Variants in DPYD observed in about 807,000 individuals in gnomAD.
The protein encoded by DPYD is dihydropyrimidine dehydrogenase, also known as dihydropyrimidine dehydrogenase [NADP(+)].
DPYD carries 109 observed loss-of-function variants against 116.2 expected under a neutral mutation model. The ratio of observed to expected loss-of-function variants is 0.94; its 90% CI spans 0.80 to 1.10. DPYD has a LOEUF of 1.10. DPYD is among the 50% of genes least tolerant of loss of function. The pLI, the probability that DPYD is intolerant of heterozygous loss-of-function variation, is 0.00. For synonymous variants in DPYD, 440 were observed against 432.0 expected, an observed-to-expected ratio of 1.02 and a Z score of -0.23; for missense variants, 1,302 against 1,254.5, an observed-to-expected ratio of 1.04 and a Z score of -0.57.
At chr1:97,917,021 T>C (rs1422293521) in intron 1 of DPYD, among the ~76,000 whole-genome samples, 1 of 152,200 alleles carries the variant, frequency 6.6e-6, no homozygotes, top group Non-Finnish European at 1.5e-5. Flanking sequence ...AGTAAAACTA[T>C]GGCCCACAAA....
At chr1:97,129,085 T>TA (rs993029244) in intron 20 of DPYD, among the ~76,000 whole-genome samples, 6 of 150,968 alleles carry the variant, frequency 4.0e-5, no homozygotes, top group Non-Finnish European at 8.9e-5. Flanking sequence ...TTTTTTTTTT[T>TA]ATGGAGTCTT....
At chr1:97,117,876 T>C (rs994581302) in intron 20 of DPYD, among the ~76,000 whole-genome samples, 1 of 152,142 alleles carries the variant, frequency 6.6e-6, no homozygotes, top group Non-Finnish European at 1.5e-5. Context: ...AAAATTTGCT[T>C]CCAATTCTAT....
At chr1:97,281,496 A>G (rs1665321463) in intron 18 of DPYD, among the ~76,000 whole-genome samples, 1 of 152,038 alleles carries the variant, frequency 6.6e-6, no homozygotes, top group Admixed American at 6.5e-5. Context: ...CTGATAGAAG[A>G]AACTAGAATA....
intron 14 of DPYD, among the ~76,000 whole-genome samples, chr1:97,435,562 G>A (rs1196001430): frequency 6.6e-6 from 1 of 151,708 alleles, no homozygotes; most frequent in African/African-American, 2.4e-5. Flanking sequence ...GATCATATTT[G>A]TGGATCACAG....
intron 11 of DPYD, among the ~76,000 whole-genome samples, chr1:97,557,361 G>T (rs1161764637): frequency 2.2e-5 from 3 of 134,774 alleles, no homozygotes; most frequent in African/African-American, 8.5e-5. Flanking sequence ...AGTCTGGAGT[G>T]CAGTGGCATG....
At chr1:97,613,206 T>C (rs1242893615) in intron 8 of DPYD, among the ~76,000 whole-genome samples, 1 of 152,010 alleles carries the variant, frequency 6.6e-6, no homozygotes, top group East Asian at 1.9e-4. Context: ...CTAAATTTGT[T>C]TAAATCATAT....
chr1:97,705,036 C>G (rs1661842076), intron 5 of DPYD, among the ~76,000 whole-genome samples: 1 of 151,870 alleles, frequency 6.6e-6, no homozygotes, highest in African/African-American at 2.4e-5. Context: ...TATGGAGGTA[C>G]AATTATCAGA....
intron 14 of DPYD, among the ~76,000 whole-genome samples, chr1:97,398,490 T>G (rs1673146191): frequency 6.6e-6 from 1 of 152,096 alleles, no homozygotes; most frequent in Non-Finnish European, 1.5e-5. Context: ...TCAAATGGTA[T>G]TTCTAGTTCT....
At chr1:97,630,851 G>A (rs1657216855) in intron 8 of DPYD, among the ~76,000 whole-genome samples, 1 of 152,078 alleles carries the variant, frequency 6.6e-6, no homozygotes, top group African/African-American at 2.4e-5. Flanking sequence ...AGGGAGCAAA[G>A]TAAAGAATTA....
chr1:97,601,230 T>C (rs1655227607), intron 8 of DPYD, among the ~76,000 whole-genome samples: 1 of 151,916 alleles, frequency 6.6e-6, no homozygotes, highest in Admixed American at 6.6e-5. Flanking sequence ...CTTTGGAAAA[T>C]TAGGTAGAAA....
chr1:97,431,304 T>C (rs1417196099), intron 14 of DPYD, among the ~76,000 whole-genome samples: 2 of 152,060 alleles, frequency 1.3e-5, no homozygotes, highest in African/African-American at 2.4e-5. Context: ...CAGAAATGAA[T>C]ATTATTGAGG....
intron 20 of DPYD, among the ~76,000 whole-genome samples, chr1:97,114,232 G>A (rs187892034): frequency 7.2e-5 from 11 of 152,068 alleles, no homozygotes; most frequent in African/African-American, 1.7e-4. Flanking sequence ...TTCTTGAGTC[G>A]GGTTAAGTCC....
chr1:97,227,840 AAAAT>A (rs1262597720), intron 19 of DPYD, among the ~76,000 whole-genome samples: 3 of 152,048 alleles, frequency 2.0e-5, no homozygotes, highest in Non-Finnish European at 4.4e-5. Flanking sequence ...TATACATATG[AAAAT>A]AAATAAATAA....
rs1278651994 is a variant in DPYD at position 97,317,902 on chromosome 1, G to T, written c.2059-11605C>A. On this transcript the variant is annotated intron_variant, in intron 16 of 22. Coordinates refer to ENST00000370192, the MANE Select transcript of DPYD (RefSeq NM_000110.4). The stretch of plus-strand genomic sequence containing the variant: ...GGCAATGAATGGTTCCGACTAAGGA[G>T]AACTCATCCATAACAAGTTGGTATA... 2.0e-5 allele frequency among the ~76,000 whole-genome samples: 3 copies of T among 152,026 alleles called. No individual in the cohort carries two copies. The East Asian group carries it at 5.8e-4, about 30-fold the overall frequency.
At chr1:97,193,443 C>T (rs1658529183) in intron 19 of DPYD, among the ~76,000 whole-genome samples, 195 bp from the exon 20 acceptor site, 1 of 152,066 alleles carries the variant, frequency 6.6e-6, no homozygotes, top group Non-Finnish European at 1.5e-5. Flanking sequence ...TTTCCAGGGA[C>T]AATGAACATT....
intron 7 of DPYD, among the ~76,000 whole-genome samples, chr1:97,679,500 C>G (rs1660324147): frequency 6.6e-6 from 1 of 152,124 alleles, no homozygotes; most frequent in Admixed American, 6.5e-5. Flanking sequence ...AAATAAGACA[C>G]ATTTCCAGCA....
At chr1:97,607,291 T>A (rs1266870636) in intron 8 of DPYD, among the ~76,000 whole-genome samples, 2 of 151,978 alleles carry the variant, frequency 1.3e-5, no homozygotes, top group Non-Finnish European at 2.9e-5. Context: ...TGTATCTCAA[T>A]AGCCTATACG....
At position 97,257,452 on chromosome 1, in the gene DPYD, T is replaced by TATATATATAGAGAGAGAGAG. The variant is rs375490078; in HGVS notation, c.2300-22459_2300-22458insCTCTCTCTCTCTATATATAT. ...ATACATACGTATATATATATATATA[T>TATATATATAGAGAGAGAGAG]AGAGAGAGAGAAAGAGAGAGAGAGC... On this transcript the variant is annotated intron_variant, in intron 18 of 22. Transcript: ENST00000370192. Among the ~76,000 whole-genome samples, 365 of 126,388 alleles carry TATATATATAGAGAGAGAGAG rather than the reference T, an allele frequency of 2.9e-3. 4 individuals carry two copies. The highest frequency in any genetic ancestry group is 0.018 in the East Asian group (71 of 4,018). The allele number at this position is 126,388 out of a possible 152,430, so 82.9% of individuals were successfully genotyped here. A position where few individuals can be genotyped will look rare whatever the true frequency, so the allele number is the denominator to read the frequency against.
At chr1:97,411,636 C>T (rs1443182907) in intron 14 of DPYD, among the ~76,000 whole-genome samples, 8 of 151,996 alleles carry the variant, frequency 5.3e-5, no homozygotes, top group Non-Finnish European at 1.0e-4. Flanking sequence ...ATTCCTTTGC[C>T]TTAATATGCA....
Sources: allele counts gnomAD v4.1 joint callset (sites outside exome capture counted in the v4.1 genomes callset), GRCh38; gene constraint gnomAD v4.1.1; transcripts MANE v1.5; gene names NCBI Gene and HGNC (gene_info 2026-07-23, HGNC 2026-07-21).